The following SULT2B1 variants were observed in gnomAD, a reference collection of about 807,000 sequenced individuals.
The protein encoded by SULT2B1 is sulfotransferase 2B1.
A neutral mutation model predicts 33.2 loss-of-function variants in SULT2B1; 16 were observed. That is an observed-to-expected ratio of 0.48 (90% confidence interval 0.33 to 0.73). The LOEUF is 0.73. SULT2B1 is among the 30% of genes least tolerant of loss of function. The probability of loss-of-function intolerance (pLI) is 0.02; values close to 1 mark genes in which losing one functional copy is unlikely to be tolerated. For missense variants in SULT2B1, 500 were observed against 506.0 expected, an observed-to-expected ratio of 0.99 and a Z score of 0.11; for synonymous variants, 186 against 200.5, an observed-to-expected ratio of 0.93 and a Z score of 0.61.
intron 3 of SULT2B1, 127 bp downstream of exon 3, chr19:48,587,564 T>A: frequency 1.9e-6 from 2 of 1,056,210 alleles, no homozygotes; most frequent in Non-Finnish European, 2.8e-6. Context: ...TGCCTGACTC[T>A]GATCTAGCAC....
At chr19:48,587,980 C>G (rs1423190738) in intron 3 of SULT2B1, among the ~76,000 whole-genome samples, 1 of 147,366 alleles carries the variant, frequency 6.8e-6, no homozygotes, top group Non-Finnish European at 1.5e-5. Context: ...GAGGCAGAGG[C>G]AGGCAGATCA....
At chr19:48,576,354 C>CTTTTTTTTTTTTTTTTTTTTTTTTTTT (rs879507532) in intron 2 of SULT2B1, among the ~76,000 whole-genome samples, 3 of 79,874 alleles carry the variant, frequency 3.8e-5, no homozygotes, top group African/African-American at 1.1e-4. Context: ...TTACCCTCTA[C>CTTTTTTTTTTTTTTTTTTTTTTTTTTT]TTCTCTTTTT....
chr19:48,554,620 C>G (rs534296398), intron 1 of SULT2B1, among the ~76,000 whole-genome samples: 6 of 140,682 alleles, frequency 4.3e-5, no homozygotes, highest in Non-Finnish European at 9.2e-5. Context: ...CCCGCCCCCC[C>G]AGCCTCCTCA....
intron 1 of SULT2B1, among the ~76,000 whole-genome samples, chr19:48,555,201 C>G (rs541939971): frequency 1.3e-5 from 2 of 151,798 alleles, no homozygotes; most frequent in Non-Finnish European, 2.9e-5. Context: ...AAGCGATTCT[C>G]CTGCCTCAGC....
intron 4 of SULT2B1, among the ~76,000 whole-genome samples, chr19:48,592,397 G>C (rs1973654699): frequency 6.6e-6 from 1 of 152,234 alleles, no homozygotes; most frequent in East Asian, 1.9e-4. Flanking sequence ...CAGGCCCCTG[G>C]TACTAAGAAA....
intron 5 of SULT2B1, among the ~76,000 whole-genome samples, chr19:48,593,500 T>C (rs1601112586): frequency 6.6e-6 from 1 of 151,646 alleles, no homozygotes; most frequent in African/African-American, 2.4e-5. Context: ...TGCAGTGGGC[T>C]GAGATCACAC....
At chr19:48,573,112 G>C (rs187616922) in intron 1 of SULT2B1, among the ~76,000 whole-genome samples, 1 of 150,338 alleles carries the variant, frequency 6.7e-6, no homozygotes, top group African/African-American at 2.5e-5. Flanking sequence ...AGCCGAGATC[G>C]TGTCACTGTA....
chr19:48,585,645 G>C (rs1051296063), intron 2 of SULT2B1, among the ~76,000 whole-genome samples: 3 of 151,216 alleles, frequency 2.0e-5, no homozygotes, highest in African/African-American at 7.3e-5. Context: ...CTCCAGCTTG[G>C]GCAACAAGAG....
chr19:48,591,283 C>A (rs1346878629), intron 3 of SULT2B1: 2 of 193,378 alleles, frequency 1.0e-5, no homozygotes, highest in Non-Finnish European at 2.1e-5. Flanking sequence ...TGTGAGTAAC[C>A]AACATGGTAA....
chr19:48,558,170 A>G (rs1227548632), intron 1 of SULT2B1, among the ~76,000 whole-genome samples: 1 of 152,064 alleles, frequency 6.6e-6, no homozygotes, highest in Non-Finnish European at 1.5e-5. Context: ...TGAGGCCCAG[A>G]GAGGTTGAGT....
intron 1 of SULT2B1, among the ~76,000 whole-genome samples, chr19:48,554,627 C>T (rs1412033797): frequency 1.4e-5 from 2 of 138,750 alleles, no homozygotes; most frequent in African/African-American, 2.7e-5. Flanking sequence ...CCCCAGCCTC[C>T]TCACCTGCAT....
chr19:48,593,558 T>C (rs1018305842), intron 5 of SULT2B1, among the ~76,000 whole-genome samples: 1 of 151,864 alleles, frequency 6.6e-6, no homozygotes, highest in African/African-American at 2.4e-5. Flanking sequence ...TTCCAAAAAA[T>C]AGAAAGAAAA....
chr19:48,577,005 G>A (rs1973421379), intron 2 of SULT2B1, among the ~76,000 whole-genome samples: 1 of 149,110 alleles, frequency 6.7e-6, no homozygotes, highest in Admixed American at 6.8e-5. Flanking sequence ...GACCAACCTG[G>A]GCAAAATGGC....
At position 48,557,638 on chromosome 19, in the gene SULT2B1, C is replaced by T. The variant is rs777628845; in HGVS notation, c.71+5315C>T. Among the ~76,000 whole-genome samples the T allele has an allele frequency of 2.4e-4, 37 of 152,024 alleles. 1 individual carries two copies. The highest frequency in any genetic ancestry group is 4.3e-4 in the African/African-American group (18 of 41,466). On this transcript the variant is annotated intron_variant, in intron 1 of 6. Transcript: ENST00000201586. ...GGGCTAAATTAAAATCGTAAGAGGCCGGGCACGGTGGCTCACGCCTGTAAT... is the reference window on the plus strand; with the variant it reads ...GGGCTAAATTAAAATCGTAAGAGGCTGGGCACGGTGGCTCACGCCTGTAAT...
In SULT2B1 at chr19:48,552,259, G is replaced by C. The variant is rs757865968; in HGVS notation, c.7G>C (p.Gly3Arg). 1.2e-6 allele frequency: 2 copies of C among 1,613,656 alleles called. No homozygotes were observed. Among genetic ancestry groups the C allele is most frequent in the Non-Finnish European group, 8.5e-7 (1 of 1,179,880 alleles). MDGPAEPQIPGLW... is the reference protein window; with the variant it reads MDRPAEPQIPGLW... ...CCACCCTCACCCACCTGCCATGGAC[G>C]GGCCCGCCGAGCCCCAGATCCCGGG... Residue 3 changes from glycine to arginine, a missense_variant, in exon 1 of 7, where the codon GGG becomes CGG. Coordinates refer to ENST00000201586, the MANE Select transcript of SULT2B1 (RefSeq NM_177973.2). This position sits in a 1 kb window ranked among gnomAD's most constrained non-coding sequence, Gnocchi z 4.8.
chr19:48,577,826 C>T (rs897434716), intron 2 of SULT2B1, among the ~76,000 whole-genome samples: 2 of 152,176 alleles, frequency 1.3e-5, no homozygotes, highest in African/African-American at 4.8e-5. Context: ...GAAATGTCTC[C>T]CTTTATGGAG....
chr19:48,576,189 C>G, intron 2 of SULT2B1, 106 bp downstream of exon 2: 1 of 1,075,718 alleles, frequency 9.3e-7, no homozygotes, highest in Non-Finnish European at 1.4e-6. Flanking sequence ...AAAGTGGGGC[C>G]GGGTCTGTTC....
chr19:48,581,245 T>C (rs1973483022), intron 2 of SULT2B1, among the ~76,000 whole-genome samples: 1 of 148,608 alleles, frequency 6.7e-6, no homozygotes. Context: ...GGTTTCTCCA[T>C]GTTGGTCAGG....
intron 2 of SULT2B1, among the ~76,000 whole-genome samples, chr19:48,583,233 T>C (rs894067823): frequency 6.6e-6 from 1 of 151,984 alleles, no homozygotes; most frequent in African/African-American, 2.4e-5. Flanking sequence ...TTGTGCACTG[T>C]TGGTGAGCAT....
Sources: gnomAD v4.1 joint callset for allele counts (sites outside exome capture counted in the v4.1 genomes callset) on GRCh38, gnomAD v4.1.1 for gene constraint, Gnocchi (gnomAD v3.1) non-coding constraint, MANE v1.5 for transcripts, NCBI Gene and HGNC (gene_info 2026-07-23, HGNC 2026-07-21) for gene names.